Variants in DLG2 observed in about 807,000 individuals in gnomAD.
DLG2 encodes discs large MAGUK scaffold protein 2.
A neutral mutation model predicts 132.5 loss-of-function variants in DLG2; 45 were observed. That is an observed-to-expected ratio of 0.34 (90% CI 0.27 to 0.44). DLG2 has a LOEUF of 0.44. Ranked by LOEUF, DLG2 falls within the 20% of genes least tolerant of loss-of-function variation. The pLI, the probability that DLG2 is intolerant of heterozygous loss-of-function variation, is 1.00. For missense variants in DLG2, 1,045 were observed against 1,196.9 expected, an observed-to-expected ratio of 0.87 and a Z score of 1.87; for synonymous variants, 424 against 419.6, an observed-to-expected ratio of 1.01 and a Z score of -0.13.
At chr11:84,858,029 A>T (rs118058116) in intron 6 of DLG2, among the ~76,000 whole-genome samples, 1 of 151,766 alleles carries the variant, frequency 6.6e-6, no homozygotes, top group African/African-American at 2.4e-5. Context: ...AATAGCTGGG[A>T]CCACAGGTAC....
intron 7 of DLG2, among the ~76,000 whole-genome samples, chr11:84,463,237 G>T (rs1264763246): frequency 1.3e-5 from 2 of 151,122 alleles, no homozygotes; most frequent in Non-Finnish European, 3.0e-5. Flanking sequence ...CTCAGACAGA[G>T]GCTTGTTTAC....
intron 6 of DLG2, among the ~76,000 whole-genome samples, chr11:84,985,146 A>G (rs1247339322): frequency 6.6e-6 from 1 of 152,212 alleles, no homozygotes; most frequent in Non-Finnish European, 1.5e-5. Flanking sequence ...TATTTACAGA[A>G]CATTTTACCC....
intron 7 of DLG2, among the ~76,000 whole-genome samples, chr11:84,468,702 C>T (rs893162916): frequency 1.3e-5 from 2 of 151,526 alleles, no homozygotes; most frequent in South Asian, 2.1e-4. Context: ...GTTTCTCAAA[C>T]TTACTTAGGT....
intron 6 of DLG2, among the ~76,000 whole-genome samples, chr11:84,833,615 C>G (rs2079321626): frequency 6.7e-6 from 1 of 150,178 alleles, no homozygotes; most frequent in African/African-American, 2.4e-5. Context: ...ACCATAACAA[C>G]AGGGTGATGA....
chr11:84,304,494 C>T (rs774429225), intron 7 of DLG2, among the ~76,000 whole-genome samples: 4 of 152,092 alleles, frequency 2.6e-5, no homozygotes, highest in Admixed American at 6.6e-5. Flanking sequence ...AATGGAAAGC[C>T]GATAACCTAG....
At chr11:83,886,264 C>A (rs191746121) in intron 15 of DLG2, among the ~76,000 whole-genome samples, 1 of 152,000 alleles carries the variant, frequency 6.6e-6, no homozygotes, top group Non-Finnish European at 1.5e-5. Flanking sequence ...ATCTACCAAG[C>A]AAATGGGAAA....
chr11:84,995,800 C>G (rs560288459), intron 6 of DLG2, among the ~76,000 whole-genome samples: 1 of 152,162 alleles, frequency 6.6e-6, no homozygotes, highest in East Asian at 1.9e-4. Flanking sequence ...GTGGGTCTCT[C>G]AAGGGGCTGA....
chr11:84,689,032 G>A (rs968120940), intron 6 of DLG2, among the ~76,000 whole-genome samples: 4 of 152,140 alleles, frequency 2.6e-5, no homozygotes, highest in African/African-American at 7.2e-5. Flanking sequence ...GACTATCTAC[G>A]TAAAACGCTA....
At chr11:85,301,438 A>G (rs1337058623) in intron 3 of DLG2, among the ~76,000 whole-genome samples, 2 of 152,186 alleles carry the variant, frequency 1.3e-5, no homozygotes, top group Non-Finnish European at 2.9e-5. Context: ...AAGCAAATAT[A>G]TGGTACAAAA....
intron 18 of DLG2, among the ~76,000 whole-genome samples, chr11:83,746,708 C>T (rs1451917706): frequency 6.6e-6 from 1 of 152,072 alleles, no homozygotes; most frequent in Non-Finnish European, 1.5e-5. Context: ...CACATGTACC[C>T]TAGAACTTAA....
chr11:84,950,351 G>C (rs2050761093), intron 6 of DLG2, among the ~76,000 whole-genome samples: 1 of 152,048 alleles, frequency 6.6e-6, no homozygotes, highest in Admixed American at 6.6e-5. Context: ...AGCAAATATG[G>C]CTATTTTAGT....
At chr11:84,129,157 A>G (rs1595811098) in intron 9 of DLG2, among the ~76,000 whole-genome samples, 1 of 152,262 alleles carries the variant, frequency 6.6e-6, no homozygotes, top group South Asian at 2.1e-4. Context: ...AATACAACAG[A>G]ACGTCCTTCA....
chr11:84,890,090 A>T (rs1319405210), intron 6 of DLG2, among the ~76,000 whole-genome samples: 2 of 152,214 alleles, frequency 1.3e-5, no homozygotes, highest in African/African-American at 4.8e-5. Context: ...CTAGTTTGCT[A>T]CAAACTTATG....
At chr11:83,853,940 T>C (rs1377407280) in intron 16 of DLG2, among the ~76,000 whole-genome samples, 2 of 152,120 alleles carry the variant, frequency 1.3e-5, no homozygotes, top group African/African-American at 4.8e-5. Flanking sequence ...GAAATAAAAC[T>C]GTCTTTGTTC....
chr11:83,649,741 C>T (rs150831754), intron 18 of DLG2, among the ~76,000 whole-genome samples: 57 of 152,234 alleles, frequency 3.7e-4, no homozygotes, highest in African/African-American at 1.3e-3. Flanking sequence ...CAATGGGAGG[C>T]ACTAACAGGA....
chr11:84,316,893 T>C, intron 7 of DLG2: 1 of 1,612,894 alleles, frequency 6.2e-7, no homozygotes, highest in Non-Finnish European at 8.5e-7. Context: ...CCCTTGGTGC[T>C]CGTCTTGTGG....
At chr11:84,774,381 T>C (rs770128030) in intron 6 of DLG2, among the ~76,000 whole-genome samples, 5 of 152,176 alleles carry the variant, frequency 3.3e-5, no homozygotes, top group South Asian at 2.1e-4. Context: ...AAGTGGTCTA[T>C]AGATTCAATG....
At chr11:85,374,117 G>GA (rs1047273612) in intron 3 of DLG2, among the ~76,000 whole-genome samples, 6 of 150,962 alleles carry the variant, frequency 4.0e-5, no homozygotes, top group South Asian at 2.1e-4. Context: ...GGAATTATAT[G>GA]AAAAAAAAAG....
Position 83,842,733 on chromosome 11 carries a change from G to A in DLG2, c.1566-8963C>T, listed in dbSNP as rs1222684484. 6.6e-5 allele frequency among the ~76,000 whole-genome samples: 10 copies of A among 150,610 alleles called. No individual in the cohort carries two copies. In the South Asian group the frequency reaches 1.5e-3, roughly 22 times the overall value. The stretch of plus-strand genomic sequence containing the variant: ...CGGGAGGCTGAGGCAGGAGAATGGC[G>A]TGAACCTGGGAGGCAGAGCTTGCAG... On this transcript the variant is annotated intron_variant, in intron 16 of 27. Transcript: ENST00000376104.
Sources: gnomAD v4.1 joint callset for allele counts (sites outside exome capture counted in the v4.1 genomes callset) on GRCh38, gnomAD v4.1.1 for gene constraint, MANE v1.5 for transcripts, NCBI Gene and HGNC (gene_info 2026-07-23, HGNC 2026-07-21) for gene names.